DLL4: variants seen among roughly 807,000 people sequenced by gnomAD.
DLL4 encodes the protein delta-like protein 4.
DLL4 carries 7 observed loss-of-function variants against 73.6 expected under a neutral mutation model. That is an observed-to-expected ratio of 0.10 (90% CI 0.05 to 0.18). DLL4 has a LOEUF of 0.18. Among genes scored for constraint, DLL4 ranks in the 10% least tolerant of loss-of-function variants. DLL4 has a pLI of 1.00. For synonymous variants in DLL4, 345 were observed against 374.3 expected (o/e 0.92, Z 0.90); for missense variants, 614 against 929.9 (o/e 0.66, Z 4.42).
In DLL4 at chr15:40,929,702, G is replaced by C; in HGVS notation, c.34G>C (p.Ala12Pro). Residue 12 changes from alanine (A) to proline (P), a missense_variant, in exon 1 of 11, where the codon GCG becomes CCG. Ala to Pro is a conservative substitution (Grantham distance 27). Transcript: ENST00000249749. The surrounding 1 kb of genome is among the most constrained non-coding windows in gnomAD (Gnocchi z 7.1). ...AAASRSASGW[A>P]LLLLVALWQQ... Reference sequence around the variant, plus strand: ...AGCGTCCCGGAGCGCCTCTGGCTGGGCGCTACTGCTGCTGGTGGCACTTTG... The same window carrying C: ...AGCGTCCCGGAGCGCCTCTGGCTGGCCGCTACTGCTGCTGGTGGCACTTTG... 6.3e-7 allele frequency: 1 copy of C among 1,586,982 alleles called. No individual in the cohort carries two copies. The highest frequency in any genetic ancestry group is 2.2e-5 in the East Asian group (1 of 44,636).
At chr15:40,934,447 G>A (rs1366654854) in intron 6 of DLL4, 101 bp from the exon 7 acceptor site, 4 of 1,199,992 alleles carry the variant, frequency 3.3e-6, no homozygotes, top group Non-Finnish European at 3.5e-6. Flanking sequence ...TTGAGTTGAG[G>A]TGTCTTTGAG....
intron 6 of DLL4, among the ~76,000 whole-genome samples, chr15:40,933,268 T>TTTTGTG (rs1555392984): frequency 1.4e-5 from 2 of 147,344 alleles, no homozygotes; most frequent in East Asian, 2.0e-4. Context: ...AGTCCCTGTG[T>TTTTGTG]TGTGTGTGTG....
rs775905494 is a variant in DLL4 at position 40,936,898 on chromosome 15, C to G, written c.1911C>G (p.Ser637Arg). ...GAAAGTTTCCCCACAGTGACAAGAG[C>G]TTAGGAGAGAAGGCGCCACTGCGGT... ...MPGKFPHSDK[S>R]LGEKAPLRLH... Residue 637 changes from serine (S) to arginine (R), a missense_variant, in exon 9 of 11, where the codon AGC becomes AGG. Ser to Arg is a moderately radical substitution (Grantham distance 110, BLOSUM62 -1). Transcript: ENST00000249749. 1.9e-6 allele frequency: 3 copies of G among 1,610,084 alleles called. No homozygotes were observed. The highest frequency in any genetic ancestry group is 2.5e-6 in the Non-Finnish European group (3 of 1,178,518).
chr15:40,931,220 C>A, intron 3 of DLL4: 2 of 512,972 alleles, frequency 3.9e-6, no homozygotes, highest in East Asian at 3.2e-5. Context: ...CCTCTTTCCC[C>A]TCCCTATCTG....
intron 6 of DLL4, among the ~76,000 whole-genome samples, chr15:40,933,529 A>G (rs1004703118): frequency 2.0e-5 from 3 of 152,148 alleles, no homozygotes; most frequent in South Asian, 4.2e-4. Context: ...CTCTTCCTTT[A>G]AAAAATGCCC....
Position 40,929,791 on chromosome 15 carries a change from G to A in DLL4, c.67-56G>A, listed in dbSNP as rs901869248. Reference sequence around the variant, plus strand: ...TGCCGCGCTCTGGGCCTCAGCCCCGGGCACCAGCTGAGCTGACCGGTCCCC... The same window carrying A: ...TGCCGCGCTCTGGGCCTCAGCCCCGAGCACCAGCTGAGCTGACCGGTCCCC... On this transcript the variant is annotated intron_variant, in intron 1 of 10. Coordinates refer to ENST00000249749, the MANE Select transcript of DLL4 (RefSeq NM_019074.4). The surrounding 1 kb of genome is among the most constrained non-coding windows in gnomAD (Gnocchi z 7.1). The A allele has an allele frequency of 1.3e-4, 205 of 1,607,188 alleles. No individual in the cohort carries two copies. The highest frequency in any genetic ancestry group is 1.7e-4 in the Non-Finnish European group (198 of 1,179,290).
In DLL4 at chr15:40,938,873, A is replaced by G. The variant is rs1296876962; in HGVS notation, c.*839A>G. Reference sequence around the variant, plus strand: ...CCTCGAGCCTGGGCTCTGGTCCACTACTGCCCCAGACCACCCTCAAAGCTG... The same window carrying G: ...CCTCGAGCCTGGGCTCTGGTCCACTGCTGCCCCAGACCACCCTCAAAGCTG... On this transcript the variant is annotated 3_prime_UTR_variant, in exon 11 of 11. Coordinates refer to ENST00000249749, the MANE Select transcript of DLL4 (RefSeq NM_019074.4). 6.6e-6 allele frequency: 1 copy of G among 151,120 alleles called. No individual in the cohort carries two copies. Among genetic ancestry groups the G allele is most frequent in the South Asian group, 2.1e-4 (1 of 4,780 alleles). The allele number at this position is 151,120 out of a possible 1,614,324, so 9.4% of individuals were successfully genotyped here.
At chr15:40,937,928 CT>C in intron 10 of DLL4, 100 bp from the exon 11 acceptor site, 2 of 1,462,554 alleles carry the variant, frequency 1.4e-6, no homozygotes, top group South Asian at 1.2e-5. Context: ...CCCTTAGCCC[CT>C]GCCTGCCCCA....
intron 9 of DLL4, 126 bp downstream of exon 9, chr15:40,937,056 A>G (rs1011308849): frequency 4.8e-5 from 38 of 785,768 alleles, no homozygotes; most frequent in African/African-American, 3.5e-4. Context: ...AAGATCCTCC[A>G]GTAGGATTTC....
At chr15:40,934,744 C>T in intron 7 of DLL4, 27 bp downstream of exon 7, 4 of 1,606,888 alleles carry the variant, frequency 2.5e-6, no homozygotes, top group Non-Finnish European at 3.4e-6. Flanking sequence ...CGCAGGAAGA[C>T]AGAGGTGTCA....
chr15:40,935,062 C>T lies in DLL4; in HGVS notation c.1185C>T (p.Thr395=), dbSNP rs767056981. The T allele has an allele frequency of 2.7e-5, 43 of 1,613,292 alleles. No individual in the cohort carries two copies. In the Middle Eastern group the frequency reaches 4.9e-4, roughly 19 times the overall value. The change falls in exon 8 of 11, where the codon ACC becomes ACT. Residue 395 remains threonine (T), a synonymous_variant. Transcript: ENST00000249749. ...CTTGTGAATGTCCCCCCAACTTCAC[C>T]GGCTCCAACTGCGAGAAGAAAGTGG... ...NYACECPPNF[T]GSNCEKKVDR... is the part of the protein sequence containing the mutation.
intron 8 of DLL4, 109 bp downstream of exon 8, chr15:40,935,226 C>T: frequency 9.1e-7 from 1 of 1,095,968 alleles, no homozygotes; most frequent in Non-Finnish European, 1.3e-6. Flanking sequence ...ACTCTGGCCC[C>T]CCATCTGCTC....
chr15:40,931,301 C>T, intron 3 of DLL4: 1 of 616,518 alleles, frequency 1.6e-6, no homozygotes, highest in Non-Finnish European at 2.8e-6. Context: ...GCCCCCTGCA[C>T]ATGCACACAC....
In DLL4 at chr15:40,938,079, C is replaced by G. The variant is rs2140372365; in HGVS notation, c.*45C>G. 6.6e-7 allele frequency: 1 copy of G among 1,516,618 alleles called. No individual in the cohort carries two copies. Among genetic ancestry groups the G allele is most frequent in the East Asian group, 2.4e-5 (1 of 41,898 alleles). 93.9% of individuals were successfully genotyped at this position (1,516,618 alleles called of 1,614,324 possible). A position where few individuals can be genotyped will look rare whatever the true frequency, so the allele number is the denominator to read the frequency against. On this transcript the variant is annotated 3_prime_UTR_variant, in exon 11 of 11. Coordinates refer to ENST00000249749, the MANE Select transcript of DLL4 (RefSeq NM_019074.4). ...ATCCCTGCTCAGCCCCGCGGCTGGA[C>G]CTTCCTTCTGCATTGTTTACATTGC...
In DLL4 at chr15:40,936,913, G is replaced by A. The variant is rs750012148; in HGVS notation, c.1926G>A (p.Ala642=). ...GTGACAAGAGCTTAGGAGAGAAGGC[G>A]CCACTGCGGTTACACAGGTGAGTGG... ...PHSDKSLGEK[A]PLRLHSEKPE... Residue 642 remains alanine (A), a synonymous_variant, in exon 9 of 11, where the codon GCG becomes GCA. Transcript: ENST00000249749. 15 of 1,603,732 alleles carry A rather than the reference G, an allele frequency of 9.4e-6. No homozygotes were observed. The highest frequency in any genetic ancestry group is 6.7e-5 in the African/African-American group (5 of 74,326).
At position 40,929,458 on chromosome 15, in the gene DLL4, G is replaced by A. The variant is rs374357095; in HGVS notation, c.-211G>A. ...AGCCCCAGGATTAGACAGAAGACGC[G>A]TCCTCGGCGCGGTCGCCGCCCAGCC... On this transcript the variant is annotated 5_prime_UTR_variant, in exon 1 of 11. Transcript: ENST00000249749. This position sits in a 1 kb window ranked among gnomAD's most constrained non-coding sequence, Gnocchi z 7.1. 57 of 551,522 alleles carry A rather than the reference G, an allele frequency of 1.0e-4. No homozygotes were observed. Among genetic ancestry groups the A allele is most frequent in the Admixed American group, 5.0e-4 (14 of 27,908 alleles). 34.2% of individuals were successfully genotyped at this position (551,522 alleles called of 1,614,324 possible).
rs759186278 is a variant in DLL4 at position 40,935,055 on chromosome 15, A to T, written c.1178A>T (p.Asn393Ile). 1 of 1,613,350 alleles carries T rather than the reference A, an allele frequency of 6.2e-7. No homozygotes were observed. The change falls in exon 8 of 11, where the codon AAC becomes ATC. Residue 393 changes from asparagine (N) to isoleucine (I), a missense_variant. Around this residue, in one of 3 missense-constraint regions of DLL4, gnomAD observed 386 missense variants for 541.3 expected, o/e 0.71. Transcript: ENST00000249749. ...GANYACECPP[N>I]FTGSNCEKKV... is the part of the protein sequence containing the mutation. ...AACTATGCTTGTGAATGTCCCCCCAACTTCACCGGCTCCAACTGCGAGAAG... is the reference window on the plus strand; with the variant it reads ...AACTATGCTTGTGAATGTCCCCCCATCTTCACCGGCTCCAACTGCGAGAAG...
At chr15:40,935,211 C>T in intron 8 of DLL4, 94 bp downstream of exon 8, 1 of 1,224,534 alleles carries the variant, frequency 8.2e-7, no homozygotes, top group Admixed American at 2.1e-5. Context: ...GAGGCATTGT[C>T]TGCCACTCTG....
Position 40,935,104 on chromosome 15 carries a change from C to T in DLL4, c.1227C>T (p.Asn409=), listed in dbSNP as rs746161750. 2 of 1,612,534 alleles carry T rather than the reference C, an allele frequency of 1.2e-6. No homozygotes were observed. Among genetic ancestry groups the T allele is most frequent in the South Asian group, 1.1e-5 (1 of 91,078 alleles). The part of the protein sequence containing the change: ...CEKKVDRCTS[N]PCANGGQCLN... ...AGAAAGTGGACAGGTGCACCAGCAA[C>T]CCCTGTGCCAACGGTGCGTGCTGCT... is the stretch of plus-strand genomic sequence containing the variant. Residue 409 remains asparagine (N), a synonymous_variant, in exon 8 of 11, where the codon AAC becomes AAT. Coordinates refer to ENST00000249749, the MANE Select transcript of DLL4 (RefSeq NM_019074.4).
Sources: gnomAD v4.1 joint callset for allele counts (sites outside exome capture counted in the v4.1 genomes callset) on GRCh38, gnomAD v4.1.1 for gene constraint, gnomAD v4.1.1 regional missense constraint, Gnocchi (gnomAD v3.1) non-coding constraint, MANE v1.5 for transcripts, NCBI Gene and HGNC (gene_info 2026-07-23, HGNC 2026-07-21) for gene names.